TRIM55: variants seen among roughly 807,000 people sequenced by gnomAD.
TRIM55 encodes the protein tripartite motif containing 55.
A neutral mutation model predicts 60.9 loss-of-function variants in TRIM55; 50 were observed. That is an observed-to-expected ratio of 0.82 (90% confidence interval 0.65 to 1.04). The LOEUF is 1.04. Among genes scored for constraint, TRIM55 ranks in the 50% least tolerant of loss-of-function variants. TRIM55 has a pLI of 0.00. For missense variants in TRIM55, 681 were observed against 666.9 expected (o/e 1.02, Z -0.23); for synonymous variants, 237 against 238.1 (o/e 1.00, Z 0.04).
intron 6 of TRIM55, 34 bp from the exon 7 acceptor site, chr8:66,150,308 A>G (rs756204569): frequency 6.2e-7 from 1 of 1,614,082 alleles, no homozygotes; most frequent in East Asian, 2.2e-5. Flanking sequence ...AATTTTCAAC[A>G]GTGACAGAAA....
the TRIM55 span, among the ~76,000 whole-genome samples, chr8:66,116,551 G>A: frequency 7.3e-6 from 1 of 137,158 alleles, no homozygotes; most frequent in African/African-American, 3.1e-5. Flanking sequence ...AGGCTGCAGT[G>A]AGCAGTGATT....
rs73693914 is a variant in TRIM55 at position 66,135,746 on chromosome 8, C to T, written c.507+591C>T. On this transcript the variant is annotated intron_variant, in intron 3 of 9. Coordinates refer to ENST00000315962, the MANE Select transcript of TRIM55 (RefSeq NM_184085.2). The stretch of plus-strand genomic sequence containing the variant: ...AACCCCTCTGAGTGTGGTGTCTCCC[C>T]CTGACCCCAGGGCCTCAGCCATGGC... Among the ~76,000 whole-genome samples the T allele has an allele frequency of 8.0e-3, 1,220 of 152,218 alleles. 25 individuals carry two copies. Among genetic ancestry groups the T allele is most frequent in the African/African-American group, 0.027 (1,131 of 41,538 alleles).
At chr8:66,155,921 A>G (rs151004989) in intron 9 of TRIM55, among the ~76,000 whole-genome samples, 328 of 152,272 alleles carry the variant, frequency 2.2e-3, no homozygotes, top group African/African-American at 7.3e-3. Context: ...TCCATTATCT[A>G]TTCCTGCATG....
At chr8:66,147,668 G>A (rs1810168025) in intron 4 of TRIM55, among the ~76,000 whole-genome samples, 1 of 151,812 alleles carries the variant, frequency 6.6e-6, no homozygotes, top group South Asian at 2.1e-4. Context: ...GGTGGCATGT[G>A]CCTGTAATCC....
At chr8:66,117,804 C>T in the TRIM55 span, among the ~76,000 whole-genome samples, 5 of 152,054 alleles carry the variant, frequency 3.3e-5, no homozygotes, top group African/African-American at 9.7e-5. Flanking sequence ...CTAAAGTATT[C>T]GCTACTTGTT....
intron 2 of TRIM55, among the ~76,000 whole-genome samples, chr8:66,134,403 G>T (rs1383374837): frequency 6.6e-6 from 1 of 152,132 alleles, no homozygotes; most frequent in East Asian, 1.9e-4. Flanking sequence ...AGAAGATTTT[G>T]GTTCCATGTG....
In TRIM55 at chr8:66,127,474, G is replaced by A. The variant is rs375248598; in HGVS notation, c.168+38G>A. 22 of 1,549,698 alleles carry A rather than the reference G, an allele frequency of 1.4e-5. No homozygotes were observed. The African/African-American group carries it at 2.6e-4, about 18-fold the overall frequency. On this transcript the variant is annotated intron_variant, in intron 1 of 9. Coordinates refer to ENST00000315962, the MANE Select transcript of TRIM55 (RefSeq NM_184085.2). ...GGAATTTGGTTGAGGGGAGGGGGTG[G>A]AAAAGATTCCCTCCTCTTGGAATCA...
chr8:66,113,705 T>A, the TRIM55 span: 1 of 402,284 alleles, frequency 2.5e-6, no homozygotes, highest in African/African-American at 2.1e-5. Context: ...CTTCTGCGTC[T>A]TCTTAACCCG....
the TRIM55 span, among the ~76,000 whole-genome samples, chr8:66,120,609 C>A: frequency 6.6e-6 from 1 of 152,140 alleles, no homozygotes; most frequent in Admixed American, 6.5e-5. Flanking sequence ...CACAGAAGCT[C>A]GGGTGACCTT....
rs941266867 is a variant in TRIM55 at position 66,135,212 on chromosome 8, C to T, written c.507+57C>T. ...CCTCCCCATCCCCACACCTTAGGGC[C>T]TTCCTGGGGCCAGTGTGAGTGGCTC... is the stretch of plus-strand genomic sequence containing the variant. On this transcript the variant is annotated intron_variant, in intron 3 of 9. Transcript: ENST00000315962. 12 of 1,587,912 alleles carry T rather than the reference C, an allele frequency of 7.6e-6. No individual in the cohort carries two copies. The African/African-American group carries it at 9.4e-5, about 12-fold the overall frequency.
chr8:66,164,488 A>G lies in TRIM55; in HGVS notation c.1525-9983A>G, dbSNP rs572560930. ...CAGTTTCCACAAAACTGCAGAGGCCACCTGTCATGGACCAGTGACTTCCAG... is the reference window on the plus strand; with the variant it reads ...CAGTTTCCACAAAACTGCAGAGGCCGCCTGTCATGGACCAGTGACTTCCAG... On this transcript the variant is annotated intron_variant, in intron 9 of 9. Coordinates refer to ENST00000315962, the MANE Select transcript of TRIM55 (RefSeq NM_184085.2). 4.0e-4 allele frequency among the ~76,000 whole-genome samples: 61 copies of G among 152,288 alleles called. 2 individuals carry two copies. The highest frequency in any genetic ancestry group is 8.8e-5 in the Non-Finnish European group (6 of 68,014).
chr8:66,127,568 T>TG (rs1292960497), intron 1 of TRIM55, 132 bp downstream of exon 1: 15 of 1,038,512 alleles, frequency 1.4e-5, no homozygotes, highest in Non-Finnish European at 2.8e-6. Flanking sequence ...GGCTCACGCC[T>TG]GTAGTCCCAG....
At chr8:66,136,957 C>A in intron 3 of TRIM55, 138 bp from the exon 4 acceptor site, 1 of 609,416 alleles carries the variant, frequency 1.6e-6, no homozygotes, top group Non-Finnish European at 2.8e-6. Flanking sequence ...ATCAGAAGGT[C>A]CACAGGCCTC....
At position 66,150,347 on chromosome 8, in the gene TRIM55, C is replaced by T. The variant is rs747495074; in HGVS notation, c.866C>T (p.Ser289Leu). 1.6e-5 allele frequency: 26 copies of T among 1,614,102 alleles called. No individual in the cohort carries two copies. Among genetic ancestry groups the T allele is most frequent in the South Asian group, 5.5e-5 (5 of 91,080 alleles). Residue 289 changes from serine to leucine, a missense_variant, in exon 7 of 10, where the codon TCG (serine) becomes TTG (leucine). Ser to Leu is a moderately radical substitution (Grantham distance 145, BLOSUM62 -2). Transcript: ENST00000315962. Reference protein sequence around the residue: ...QNAKTLLKKISEASKAFQMEK... With the variant: ...QNAKTLLKKILEASKAFQMEK... The stretch of plus-strand genomic sequence containing the variant: ...GCAACTTGTCTTTGTTGCAGAATCT[C>T]GGAAGCATCAAAGGCATTTCAGATG...
intron 2 of TRIM55, among the ~76,000 whole-genome samples, chr8:66,130,534 A>G (rs1809077934): frequency 7.3e-6 from 1 of 136,168 alleles, no homozygotes; most frequent in South Asian, 2.3e-4. Flanking sequence ...GAATGAAAAG[A>G]GTTCAGCTGT....
intron 8 of TRIM55, among the ~76,000 whole-genome samples, chr8:66,152,903 T>TTGTGTG (rs59283692): frequency 0.016 from 2,277 of 140,352 alleles, 36 homozygotes; most frequent in African/African-American, 0.041. Context: ...TGTCTGGAAA[T>TTGTGTG]TGTGTGTGTG....
upstream of TRIM55, among the ~76,000 whole-genome samples, chr8:66,123,249 A>G (rs914041889): frequency 5.3e-5 from 8 of 152,184 alleles, no homozygotes; most frequent in African/African-American, 1.9e-4. Flanking sequence ...CCCATCTTTC[A>G]GACCAAATTA....
intron 8 of TRIM55, 83 bp downstream of exon 8, chr8:66,152,710 C>T (rs913998181): frequency 6.6e-7 from 1 of 1,507,490 alleles, no homozygotes; most frequent in African/African-American, 1.4e-5. Flanking sequence ...CCTATTCTGC[C>T]TTAAGAAAAA....
chr8:66,154,215 A>T lies in TRIM55; in HGVS notation c.1405A>T (p.Ile469Leu). ...CTPGSEGLGQ[I>L]GPPGSEDSNV... is the part of the protein sequence containing the mutation. ...CCCAGGGAGCGAAGGTCTGGGGCAAATAGGGCCTCCAGGTTCTGAGGATTC... is the reference window on the plus strand; with the variant it reads ...CCCAGGGAGCGAAGGTCTGGGGCAATTAGGGCCTCCAGGTTCTGAGGATTC... The change falls in exon 9 of 10, where the codon ATA (isoleucine) becomes TTA (leucine). Residue 469 changes from isoleucine to leucine, a missense_variant. By Grantham distance (5) the Ile-to-Leu change is conservative (BLOSUM62 2). Coordinates refer to ENST00000315962, the MANE Select transcript of TRIM55 (RefSeq NM_184085.2). 1.2e-6 allele frequency: 2 copies of T among 1,614,086 alleles called. No individual in the cohort carries two copies. Among genetic ancestry groups the T allele is most frequent in the Non-Finnish European group, 1.7e-6 (2 of 1,180,002 alleles).
Sources: gnomAD v4.1 joint callset for allele counts (sites outside exome capture counted in the v4.1 genomes callset) on GRCh38, gnomAD v4.1.1 for gene constraint, MANE v1.5 for transcripts, NCBI Gene and HGNC (gene_info 2026-07-23, HGNC 2026-07-21) for gene names.